Variants in PLEKHM3 observed in about 807,000 individuals in gnomAD.
The protein encoded by PLEKHM3 is pleckstrin homology domain containing M3, also known as pleckstrin homology domain-containing family M member 3.
Under a neutral mutation model 81.8 loss-of-function variants are expected in PLEKHM3, and 45 were observed. That is an observed-to-expected ratio of 0.55 (90% CI 0.43 to 0.71). The LOEUF (loss-of-function observed/expected upper bound fraction) is 0.71, where lower values mean the gene tolerates loss of function less well. Ranked by LOEUF, PLEKHM3 falls within the 30% of genes least tolerant of loss-of-function variation. The probability of loss-of-function intolerance (pLI) is 0.00; values close to 1 mark genes in which losing one functional copy is unlikely to be tolerated. For missense variants in PLEKHM3, 788 were observed against 924.3 expected, an observed-to-expected ratio of 0.85 and a Z score of 1.91; for synonymous variants, 352 against 356.4, an observed-to-expected ratio of 0.99 and a Z score of 0.14.
chr2:207,920,051 G>A (rs932799219), intron 5 of PLEKHM3, among the ~76,000 whole-genome samples: 10 of 151,982 alleles, frequency 6.6e-5, no homozygotes, highest in African/African-American at 2.4e-4. Flanking sequence ...CTCACCATTC[G>A]GTAAAACTGA....
chr2:207,884,164 C>T (rs1018002762), intron 6 of PLEKHM3, among the ~76,000 whole-genome samples: 2 of 109,120 alleles, frequency 1.8e-5, no homozygotes, highest in African/African-American at 7.1e-5. Flanking sequence ...AACCACTCAA[C>T]AAACTAGGAA....
intron 1 of PLEKHM3, among the ~76,000 whole-genome samples, chr2:208,016,664 A>G (rs1692926055): frequency 7.5e-5 from 2 of 26,740 alleles, no homozygotes; most frequent in South Asian, 1.2e-3. Flanking sequence ...AAAAAAAAAA[A>G]AAAAATACAC....
chr2:207,844,602 G>A (rs2092373747), intron 7 of PLEKHM3, among the ~76,000 whole-genome samples: 1 of 152,054 alleles, frequency 6.6e-6, no homozygotes, highest in Non-Finnish European at 1.5e-5. Context: ...CACTGCGCCC[G>A]GCCTATTTTT....
At chr2:207,981,951 A>C (rs1041608516) in intron 2 of PLEKHM3, among the ~76,000 whole-genome samples, 1 of 152,218 alleles carries the variant, frequency 6.6e-6, no homozygotes, top group Non-Finnish European at 1.5e-5. Flanking sequence ...TGAACAGTGC[A>C]GGTCCACTTA....
At chr2:207,984,860 G>A (rs1691663541) in intron 2 of PLEKHM3, among the ~76,000 whole-genome samples, 1 of 151,978 alleles carries the variant, frequency 6.6e-6, no homozygotes. Flanking sequence ...GGATTTGGCT[G>A]AGTGTATCTT....
chr2:208,018,184 C>T (rs1008547399), intron 1 of PLEKHM3, among the ~76,000 whole-genome samples: 1 of 152,008 alleles, frequency 6.6e-6, no homozygotes, highest in Non-Finnish European at 1.5e-5. Flanking sequence ...ACAATCCTGG[C>T]CAACATGGTG....
intron 2 of PLEKHM3, among the ~76,000 whole-genome samples, chr2:207,981,867 G>A (rs1691536558): frequency 1.3e-5 from 2 of 152,168 alleles, no homozygotes; most frequent in South Asian, 4.1e-4. Flanking sequence ...ATATAATAAT[G>A]AAGTGAAAGT....
chr2:207,984,722 T>C (rs1468810211), intron 2 of PLEKHM3, among the ~76,000 whole-genome samples: 1 of 152,240 alleles, frequency 6.6e-6, no homozygotes. Flanking sequence ...TGAGTTCATA[T>C]GTTGATTTTG....
chr2:208,010,098 A>G (rs1692640117), intron 1 of PLEKHM3, among the ~76,000 whole-genome samples: 1 of 152,244 alleles, frequency 6.6e-6, no homozygotes, highest in African/African-American at 2.4e-5. Context: ...TCATTTTCCA[A>G]TGACTTAGAG....
intron 2 of PLEKHM3, among the ~76,000 whole-genome samples, chr2:207,989,059 G>A (rs1475724114): frequency 6.6e-6 from 1 of 152,144 alleles, no homozygotes; most frequent in African/African-American, 2.4e-5. Context: ...CACACCTCTT[G>A]CTTTATTTCC....
intron 1 of PLEKHM3, among the ~76,000 whole-genome samples, chr2:208,023,162 T>C (rs866977778): frequency 1.3e-5 from 2 of 151,798 alleles, no homozygotes; most frequent in Non-Finnish European, 2.9e-5. Context: ...TTTTTTTTTT[T>C]ATGACATGGT....
intron 4 of PLEKHM3, among the ~76,000 whole-genome samples, chr2:207,934,722 C>T (rs73983650): frequency 0.048 from 7,233 of 152,246 alleles, 571 homozygotes; most frequent in African/African-American, 0.17. Flanking sequence ...TACAAACTAA[C>T]AATGATCAGA....
intron 3 of PLEKHM3, among the ~76,000 whole-genome samples, chr2:207,972,988 T>C (rs1406803229): frequency 6.6e-6 from 1 of 152,230 alleles, no homozygotes; most frequent in Non-Finnish European, 1.5e-5. Flanking sequence ...TTCTAAAGTT[T>C]ATTCATCCAA....
chr2:207,855,569 G>T (rs2092433495), intron 7 of PLEKHM3, among the ~76,000 whole-genome samples: 1 of 152,150 alleles, frequency 6.6e-6, no homozygotes. Context: ...CATGGAAAGA[G>T]GGGGAGGAAG....
At position 207,976,592 on chromosome 2, in the gene PLEKHM3, C is replaced by T; in HGVS notation, c.1546+59G>A. On this transcript the variant is annotated intron_variant, in intron 3 of 7. Coordinates refer to ENST00000427836, the MANE Select transcript of PLEKHM3 (RefSeq NM_001080475.3). The surrounding 1 kb of genome is among the most constrained non-coding windows in gnomAD (Gnocchi z 4.1). ...TTAAGGGGATTTTTAAAGTGAATTCCAATTGTGGGGTTCAGGATTGTTCTT... is the reference window on the plus strand; with the variant it reads ...TTAAGGGGATTTTTAAAGTGAATTCTAATTGTGGGGTTCAGGATTGTTCTT... 5 of 1,491,648 alleles carry T rather than the reference C, an allele frequency of 3.4e-6. No individual in the cohort carries two copies. The highest frequency in any genetic ancestry group is 4.5e-6 in the Non-Finnish European group (5 of 1,106,106). 92.4% of individuals were successfully genotyped at this position (1,491,648 alleles called of 1,614,324 possible).
chr2:207,903,520 T>C (rs758555668), intron 6 of PLEKHM3, among the ~76,000 whole-genome samples: 23 of 152,244 alleles, frequency 1.5e-4, no homozygotes, highest in African/African-American at 2.2e-4. Context: ...TAGTCATTAA[T>C]ATACATTTTA....
chr2:207,986,926 T>G lies in PLEKHM3; in HGVS notation c.611-9340A>C, dbSNP rs370484657. Among the ~76,000 whole-genome samples, 14 of 151,642 alleles carry G rather than the reference T, an allele frequency of 9.2e-5. No individual in the cohort carries two copies. The South Asian group carries it at 1.0e-3, about 11-fold the overall frequency. On this transcript the variant is annotated intron_variant, in intron 2 of 7. Coordinates refer to ENST00000427836, the MANE Select transcript of PLEKHM3 (RefSeq NM_001080475.3). Reference sequence around the variant, plus strand: ...AACTCCTGGGCTCAAGCAATCCTATTGCCTTGGCCTTCCAAAGTGCTGGAA... The same window carrying G: ...AACTCCTGGGCTCAAGCAATCCTATGGCCTTGGCCTTCCAAAGTGCTGGAA...
At chr2:207,853,273 C>T (rs1293804786) in intron 7 of PLEKHM3, among the ~76,000 whole-genome samples, 2 of 151,746 alleles carry the variant, frequency 1.3e-5, no homozygotes, top group South Asian at 2.1e-4. Context: ...CAAAATTAGC[C>T]GAGTGTCTTG....
intron 5 of PLEKHM3, among the ~76,000 whole-genome samples, chr2:207,910,012 T>C (rs796549780): frequency 1.1e-4 from 16 of 152,198 alleles, no homozygotes; most frequent in African/African-American, 3.6e-4. Flanking sequence ...GGAGTAGGTG[T>C]ATTCTAGTAA....
Sources: gnomAD v4.1 joint callset for allele counts (sites outside exome capture counted in the v4.1 genomes callset) on GRCh38, gnomAD v4.1.1 for gene constraint, Gnocchi (gnomAD v3.1) non-coding constraint, MANE v1.5 for transcripts, NCBI Gene and HGNC (gene_info 2026-07-23, HGNC 2026-07-21) for gene names.